NUGGC: variants seen among roughly 807,000 people sequenced by gnomAD.
NUGGC encodes the protein nuclear GTPase SLIP-GC.
NUGGC carries 58 observed loss-of-function variants against 92.6 expected under a neutral mutation model. The observed-to-expected ratio is 0.63, with a 90% confidence interval of 0.51 to 0.78. The LOEUF (loss-of-function observed/expected upper bound fraction) is 0.78. NUGGC is among the 30% of genes least tolerant of loss of function. NUGGC has a pLI of 0.00. For synonymous variants in NUGGC, 376 were observed against 366.4 expected (o/e 1.03, Z -0.30); for missense variants, 925 against 964.6 (o/e 0.96, Z 0.54).
Position 28,060,593 on chromosome 8 carries a change from G to A in NUGGC, c.930C>T (p.Asp310=), listed in dbSNP as rs1395882302. ...KRDEMWKKTI[D]KCSVIWVISD... is the part of the protein sequence containing the mutation. ...TGATCACCCAGATCACTGAGCACTT[G>A]TCAATGGTCTGCAAAACATGACCAC... The change falls in exon 8 of 19, where the codon GAC becomes GAT. Residue 310 remains aspartate (D), a synonymous_variant. Transcript: ENST00000413272. 1.2e-6 allele frequency: 2 copies of A among 1,609,984 alleles called. No homozygotes were observed. The highest frequency in any genetic ancestry group is 2.2e-5 in the East Asian group (1 of 44,820).
chr8:28,051,862 C>T (rs1335873279), intron 10 of NUGGC, among the ~76,000 whole-genome samples: 3 of 151,882 alleles, frequency 2.0e-5, no homozygotes, highest in Admixed American at 6.6e-5. Context: ...GCGGAGGTTG[C>T]GGTGAGCCAA....
intron 13 of NUGGC, among the ~76,000 whole-genome samples, chr8:28,035,085 A>T (rs1809520861): frequency 6.6e-6 from 1 of 152,180 alleles, no homozygotes; most frequent in Non-Finnish European, 1.5e-5. Flanking sequence ...TTGATGGGGT[A>T]AAGTCCTGGA....
chr8:28,023,408 A>G lies in NUGGC; in HGVS notation c.2300T>C (p.Val767Ala). The G allele has an allele frequency of 6.2e-7, 1 of 1,613,498 alleles. No individual in the cohort carries two copies. ...CTTCCTCAGCCGTGCATTCTCCGCG[A>G]CCTCCCTCAGGCTTCTGTGCAGCTT... ...MEKLHRSLRE[V>A]AENARLRKGM... The change falls in exon 19 of 19, where the codon GTC (valine) becomes GCC (alanine). Residue 767 changes from valine to alanine, a missense_variant. Val to Ala is a moderately conservative substitution (Grantham distance 64). Coordinates refer to ENST00000413272, the MANE Select transcript of NUGGC (RefSeq NM_001010906.2).
At chr8:28,041,268 TCTC>T in intron 12 of NUGGC, 53 bp from the exon 13 acceptor site, 4 of 1,536,872 alleles carry the variant, frequency 2.6e-6, no homozygotes, top group Non-Finnish European at 3.5e-6. Flanking sequence ...AAGGGCACCT[TCTC>T]CTGAAGCTTT....
chr8:28,035,938 A>G (rs1809543514), intron 13 of NUGGC, among the ~76,000 whole-genome samples: 1 of 152,220 alleles, frequency 6.6e-6, no homozygotes, highest in African/African-American at 2.4e-5. Flanking sequence ...GCTGGAGTGC[A>G]GTGGCACGAC....
intron 6 of NUGGC, among the ~76,000 whole-genome samples, chr8:28,067,109 G>A (rs1444680955): frequency 1.3e-5 from 2 of 152,314 alleles, no homozygotes; most frequent in East Asian, 3.9e-4. Flanking sequence ...GGAAGGCAAA[G>A]GGAGCCAGAG....
chr8:28,064,820 T>G, intron 6 of NUGGC, 89 bp from the exon 7 acceptor site: 5 of 1,116,002 alleles, frequency 4.5e-6, no homozygotes, highest in Middle Eastern at 2.2e-4. Context: ...ATGGTAAGTA[T>G]GCTGAGTAAG....
At chr8:28,080,331 T>C (rs1810820653) in intron 1 of NUGGC, among the ~76,000 whole-genome samples, 2 of 152,204 alleles carry the variant, frequency 1.3e-5, no homozygotes, top group African/African-American at 4.8e-5. Flanking sequence ...TTTCACTGCA[T>C]TTTTTCTGTG....
chr8:28,032,069 C>A (rs987546508), intron 14 of NUGGC, among the ~76,000 whole-genome samples: 1 of 152,196 alleles, frequency 6.6e-6, no homozygotes, highest in Non-Finnish European at 1.5e-5. Context: ...TCTCTCTTTG[C>A]CACCTGCTGG....
intron 1 of NUGGC, among the ~76,000 whole-genome samples, chr8:28,079,933 T>TTTGTTTGA (rs1554491304): frequency 4.2e-5 from 1 of 23,576 alleles, no homozygotes; most frequent in African/African-American, 1.1e-4. Context: ...TCTTTGTTTT[T>TTTGTTTGA]TTGTTTGTTT....
intron 10 of NUGGC, among the ~76,000 whole-genome samples, chr8:28,051,471 T>C (rs1291040549): frequency 6.6e-6 from 1 of 152,190 alleles, no homozygotes; most frequent in African/African-American, 2.4e-5. Context: ...CAAAATTCAG[T>C]CTGTAAATTC....
intron 10 of NUGGC, among the ~76,000 whole-genome samples, chr8:28,048,876 A>G (rs1809914806): frequency 6.9e-6 from 1 of 143,890 alleles, no homozygotes; most frequent in Non-Finnish European, 1.5e-5. Flanking sequence ...AAAAAAAAAA[A>G]AAAAGTCAAG....
At chr8:28,065,353 G>T (rs967946327) in intron 6 of NUGGC, among the ~76,000 whole-genome samples, 5 of 151,902 alleles carry the variant, frequency 3.3e-5, no homozygotes, top group Non-Finnish European at 7.4e-5. Context: ...GTAGAGACAG[G>T]GTTTCACCAT....
chr8:28,073,456 C>T (rs561756149), intron 2 of NUGGC, among the ~76,000 whole-genome samples: 10 of 152,314 alleles, frequency 6.6e-5, no homozygotes, highest in African/African-American at 2.2e-4. Flanking sequence ...CCCAGAAACA[C>T]TGCTGCACTT....
intron 1 of NUGGC, among the ~76,000 whole-genome samples, chr8:28,080,747 C>A (rs1232493438): frequency 2.0e-5 from 3 of 152,106 alleles, no homozygotes; most frequent in African/African-American, 7.2e-5. Context: ...TCCATTCATT[C>A]AACAAATATT....
intron 14 of NUGGC, among the ~76,000 whole-genome samples, chr8:28,032,298 C>A (rs546139035): frequency 6.6e-6 from 1 of 152,284 alleles, no homozygotes; most frequent in East Asian, 1.9e-4. Flanking sequence ...AAGACACAAG[C>A]AAAGGCTGGA....
rs139575467 is a variant in NUGGC, at chr8:28,032,929, G to A, written c.1769+611C>T. 4.6e-5 allele frequency among the ~76,000 whole-genome samples: 7 copies of A among 152,200 alleles called. No homozygotes were observed. The East Asian group carries it at 1.4e-3, about 29-fold the overall frequency. On this transcript the variant is annotated intron_variant, in intron 14 of 18. Coordinates refer to ENST00000413272, the MANE Select transcript of NUGGC (RefSeq NM_001010906.2). ...AATCCCAGCACTTTGGGAGGACGATGGGGGAGGATCATTTAAGGTCAGGAT... is the reference window on the plus strand; with the variant it reads ...AATCCCAGCACTTTGGGAGGACGATAGGGGAGGATCATTTAAGGTCAGGAT...
rs76400872 is a variant in NUGGC at position 28,023,071 on chromosome 8, A to C, written c.*246T>G. On this transcript the variant is annotated 3_prime_UTR_variant, in exon 19 of 19. Coordinates refer to ENST00000413272, the MANE Select transcript of NUGGC (RefSeq NM_001010906.2). ...GGTGACACAGCGAGACTCTGTCTCAAAAAAAAAAAAAAAAAAATTACCCAG... is the reference window on the plus strand; with the variant it reads ...GGTGACACAGCGAGACTCTGTCTCACAAAAAAAAAAAAAAAAATTACCCAG... 1.3e-5 allele frequency: 1 copy of C among 75,992 alleles called. No individual in the cohort carries two copies. The highest frequency in any genetic ancestry group is 4.9e-4 in the South Asian group (1 of 2,056). The allele number at this position is 75,992 out of a possible 1,614,324, so 4.7% of individuals were successfully genotyped here.
At chr8:28,041,002 C>T (rs780702758) in intron 13 of NUGGC, 49 bp downstream of exon 13, 12 of 1,515,624 alleles carry the variant, frequency 7.9e-6, no homozygotes, top group South Asian at 3.6e-5. Flanking sequence ...GCTTGGGGAT[C>T]GGGCAGGCCT....
Sources: allele counts gnomAD v4.1 joint callset (sites outside exome capture counted in the v4.1 genomes callset), GRCh38; gene constraint gnomAD v4.1.1; transcripts MANE v1.5; gene names NCBI Gene and HGNC (gene_info 2026-07-23, HGNC 2026-07-21).